Variants in GLIS3 observed in about 807,000 individuals in gnomAD.
GLIS3 encodes zinc finger protein GLIS3.
GLIS3 carries 53 observed loss-of-function variants against 78.6 expected under a neutral mutation model. The ratio of observed to expected loss-of-function variants is 0.67; its 90% CI spans 0.54 to 0.85. GLIS3 has a LOEUF of 0.85. GLIS3 is among the 40% of genes least tolerant of loss of function. GLIS3 has a pLI of 0.00. For synonymous variants in GLIS3, 684 were observed against 509.9 expected, an observed-to-expected ratio of 1.34 and a Z score of -4.60; for missense variants, 1,703 against 1,231.1, an observed-to-expected ratio of 1.38 and a Z score of -5.74.
At chr9:4,381,838 C>G in the GLIS3 span, among the ~76,000 whole-genome samples, 1 of 152,054 alleles carries the variant, frequency 6.6e-6, no homozygotes, top group Non-Finnish European at 1.5e-5. Flanking sequence ...CTTATACTCT[C>G]TTTGTTTCTG....
At chr9:4,313,884 A>G (rs1423410170) in intron 2 of GLIS3, among the ~76,000 whole-genome samples, 2 of 152,216 alleles carry the variant, frequency 1.3e-5, no homozygotes, top group Non-Finnish European at 2.9e-5. Context: ...TCTGATTTAC[A>G]AGGTCTTACA....
intron 4 of GLIS3, among the ~76,000 whole-genome samples, chr9:3,975,425 G>A (rs1200372691): frequency 1.3e-5 from 2 of 152,178 alleles, no homozygotes; most frequent in Non-Finnish European, 2.9e-5. Flanking sequence ...ACCCTGTTTA[G>A]TAAGAGCCAT....
chr9:4,298,069 G>T (rs944166473), intron 1 of GLIS3, among the ~76,000 whole-genome samples: 2 of 152,142 alleles, frequency 1.3e-5, no homozygotes, highest in Admixed American at 6.5e-5. Flanking sequence ...CGAACGCAGC[G>T]CAACAAAACA....
chr9:4,140,788 C>T (rs118071730), intron 2 of GLIS3, among the ~76,000 whole-genome samples: 1 of 133,178 alleles, frequency 7.5e-6, no homozygotes, highest in Non-Finnish European at 1.6e-5. Context: ...AGAGTAGACA[C>T]TGTTTGAATT....
At chr9:4,261,296 G>A (rs1825503280) in intron 2 of GLIS3, among the ~76,000 whole-genome samples, 1 of 152,160 alleles carries the variant, frequency 6.6e-6, no homozygotes, top group Non-Finnish European at 1.5e-5. Flanking sequence ...GGGGATACAT[G>A]AGAGTGAGAC....
intron 4 of GLIS3, among the ~76,000 whole-genome samples, chr9:4,036,695 T>C (rs565432097): frequency 6.6e-6 from 1 of 152,342 alleles, no homozygotes; most frequent in Non-Finnish European, 1.5e-5. Flanking sequence ...GAGAATTTTT[T>C]CCTTGAACTT....
At chr9:3,846,955 AG>A (rs964881403) in intron 9 of GLIS3, among the ~76,000 whole-genome samples, 9 of 152,108 alleles carry the variant, frequency 5.9e-5, no homozygotes, top group Admixed American at 3.3e-4. Context: ...AGGCTAAGGC[AG>A]GGGGGTCACC....
intron 6 of GLIS3, among the ~76,000 whole-genome samples, chr9:3,908,125 G>A (rs1294200152): frequency 6.6e-6 from 1 of 152,014 alleles, no homozygotes; most frequent in Non-Finnish European, 1.5e-5. Flanking sequence ...GGACTGAAAG[G>A]GGCTTCAGAT....
chr9:3,929,247 T>A (rs1303725923), intron 6 of GLIS3, among the ~76,000 whole-genome samples: 1 of 152,194 alleles, frequency 6.6e-6, no homozygotes, highest in Non-Finnish European at 1.5e-5. Context: ...CATCGGCTGA[T>A]GGGATGTGTG....
intron 2 of GLIS3, among the ~76,000 whole-genome samples, chr9:4,190,321 A>G (rs1056537617): frequency 6.6e-6 from 1 of 152,150 alleles, no homozygotes; most frequent in Non-Finnish European, 1.5e-5. Context: ...AATAACCAAT[A>G]TAGAGAAGTG....
At chr9:4,115,856 T>C (rs1005635005) in intron 4 of GLIS3, among the ~76,000 whole-genome samples, 11 of 152,092 alleles carry the variant, frequency 7.2e-5, no homozygotes, top group Non-Finnish European at 1.2e-4. Flanking sequence ...AAATCATCAA[T>C]CTGAATTTTA....
the GLIS3 span, among the ~76,000 whole-genome samples, chr9:4,404,254 G>T: frequency 6.6e-6 from 1 of 152,056 alleles, no homozygotes; most frequent in Non-Finnish European, 1.5e-5. Flanking sequence ...AGAGAAATAG[G>T]CCCAAATACA....
intron 2 of GLIS3, among the ~76,000 whole-genome samples, chr9:4,184,030 C>G (rs1817560457): frequency 6.6e-6 from 1 of 151,878 alleles, no homozygotes; most frequent in Admixed American, 6.6e-5. Flanking sequence ...CAATGAGGAA[C>G]ATGAAAAATG....
the GLIS3 span, among the ~76,000 whole-genome samples, chr9:4,423,834 T>C: frequency 2.0e-5 from 3 of 152,098 alleles, no homozygotes; most frequent in African/African-American, 7.2e-5. Context: ...CACATACTTA[T>C]AATGTCAGAA....
intron 4 of GLIS3, among the ~76,000 whole-genome samples, chr9:4,044,459 T>C (rs775169594): frequency 1.3e-5 from 2 of 152,178 alleles, no homozygotes; most frequent in Non-Finnish European, 2.9e-5. Flanking sequence ...TCATTTCTCT[T>C]TAATTTTCTG....
intron 2 of GLIS3, among the ~76,000 whole-genome samples, chr9:4,156,213 C>T (rs982314105): frequency 2.0e-5 from 3 of 152,204 alleles, no homozygotes; most frequent in African/African-American, 7.2e-5. Flanking sequence ...AACAAACTCT[C>T]CTCACATTCA....
chr9:4,460,477 T>C, the GLIS3 span, among the ~76,000 whole-genome samples: 2 of 152,234 alleles, frequency 1.3e-5, no homozygotes, highest in South Asian at 2.1e-4. Context: ...GCCACATTCC[T>C]GTGCGCCATG....
chr9:4,332,026 G>A (rs1027778512), intron 2 of GLIS3, among the ~76,000 whole-genome samples: 1 of 152,118 alleles, frequency 6.6e-6, no homozygotes, highest in Non-Finnish European at 1.5e-5. Context: ...ACAGAAACCT[G>A]TTATCCCTAA....
At chr9:3,918,331 G>A (rs906760637) in intron 6 of GLIS3, among the ~76,000 whole-genome samples, 36 of 152,142 alleles carry the variant, frequency 2.4e-4, no homozygotes, top group Admixed American at 6.5e-4. Context: ...TGTGAGCAGG[G>A]AGGGAGACTG....
Sources: gnomAD v4.1 joint callset for allele counts (sites outside exome capture counted in the v4.1 genomes callset) on GRCh38, gnomAD v4.1.1 for gene constraint, MANE v1.5 for transcripts, NCBI Gene and HGNC (gene_info 2026-07-23, HGNC 2026-07-21) for gene names.